PTPRD: variants seen among roughly 807,000 people sequenced by gnomAD.
PTPRD encodes protein tyrosine phosphatase receptor type D.
PTPRD carries 34 observed loss-of-function variants against 214.5 expected under a neutral mutation model. That is an observed-to-expected ratio of 0.16 (90% CI 0.12 to 0.21). The LOEUF is 0.21. PTPRD is among the 10% of genes least tolerant of loss of function. The pLI, the probability that PTPRD is intolerant of heterozygous loss-of-function variation, is 1.00. For missense variants in PTPRD, 2,545 were observed against 2,398.7 expected (o/e 1.06, Z -1.27); for synonymous variants, 1,128 against 845.7 (o/e 1.33, Z -5.79).
chr9:8,857,929 C>A (rs1266656687), intron 11 of PTPRD, among the ~76,000 whole-genome samples: 1 of 148,606 alleles, frequency 6.7e-6, no homozygotes, highest in East Asian at 2.0e-4. Context: ...CCCTCCACCC[C>A]TACCCCCTTT....
At chr9:8,677,806 C>T (rs2097460330) in intron 12 of PTPRD, among the ~76,000 whole-genome samples, 1 of 152,166 alleles carries the variant, frequency 6.6e-6, no homozygotes, top group Non-Finnish European at 1.5e-5. Context: ...TTAACAGACC[C>T]AGGCACCACA....
chr9:9,050,827 T>A (rs988799142), intron 10 of PTPRD, among the ~76,000 whole-genome samples: 2 of 152,178 alleles, frequency 1.3e-5, no homozygotes, highest in Non-Finnish European at 2.9e-5. Flanking sequence ...TTATTGTTAA[T>A]CTCTTACTGT....
chr9:9,091,794 G>A (rs75075095), intron 10 of PTPRD, among the ~76,000 whole-genome samples: 4,708 of 152,196 alleles, frequency 0.031, 159 homozygotes, highest in African/African-American at 0.081. Flanking sequence ...TTTCAGGTTG[G>A]GGCAAATGGG....
chr9:9,417,540 T>C (rs928845970), intron 8 of PTPRD, among the ~76,000 whole-genome samples: 1 of 152,094 alleles, frequency 6.6e-6, no homozygotes. Flanking sequence ...AGTTCATTCT[T>C]TCTAATTAGC....
At chr9:10,453,919 G>A (rs976620587) in intron 2 of PTPRD, among the ~76,000 whole-genome samples, 17 of 151,678 alleles carry the variant, frequency 1.1e-4, no homozygotes, top group African/African-American at 3.9e-4. Context: ...TTGAGCGTGA[G>A]TCAGCTGTAG....
At chr9:9,213,965 T>C (rs979673356) in intron 9 of PTPRD, among the ~76,000 whole-genome samples, 4 of 152,142 alleles carry the variant, frequency 2.6e-5, no homozygotes, top group African/African-American at 9.7e-5. Context: ...CATCTTCTTT[T>C]TTTTCTTACT....
chr9:9,235,362 G>C lies in PTPRD; in HGVS notation c.-202-51999C>G, dbSNP rs139719057. 6.7e-3 allele frequency among the ~76,000 whole-genome samples: 1,024 copies of C among 152,244 alleles called. 10 individuals are homozygous for C. Among genetic ancestry groups the C allele is most frequent in the African/African-American group, 0.023 (955 of 41,554 alleles). Reference sequence around the variant, plus strand: ...ACAGCTACACCATATCAGAGGCCAAGAAGAGTTTCCACTGATGGGGGCTTT... The same window carrying C: ...ACAGCTACACCATATCAGAGGCCAACAAGAGTTTCCACTGATGGGGGCTTT... On this transcript the variant is annotated intron_variant, in intron 9 of 45. Coordinates refer to ENST00000381196, the MANE Select transcript of PTPRD (RefSeq NM_002839.4).
intron 2 of PTPRD, among the ~76,000 whole-genome samples, chr9:10,419,265 A>G (rs963330716): frequency 6.6e-6 from 1 of 151,928 alleles, no homozygotes; most frequent in African/African-American, 2.4e-5. Context: ...GTGTCTTTTA[A>G]GCTTTCTGCT....
At chr9:8,490,815 A>T (rs1225713766) in intron 27 of PTPRD, among the ~76,000 whole-genome samples, 3 of 152,210 alleles carry the variant, frequency 2.0e-5, no homozygotes, top group Non-Finnish European at 4.4e-5. Context: ...GAAACAAGGT[A>T]TAATAAACAA....
intron 2 of PTPRD, among the ~76,000 whole-genome samples, chr9:10,460,810 G>T (rs940311824): frequency 3.3e-5 from 5 of 152,052 alleles, no homozygotes; most frequent in African/African-American, 1.2e-4. Context: ...TAGAGGAAAA[G>T]CTCCTTGACA....
intron 12 of PTPRD, among the ~76,000 whole-genome samples, chr9:8,649,414 C>T (rs1232434875): frequency 2.0e-5 from 3 of 152,216 alleles, no homozygotes; most frequent in Admixed American, 1.3e-4. Flanking sequence ...CTGACCACAA[C>T]TTCTCATCTA....
chr9:9,718,896 AG>A (rs1275304454), intron 7 of PTPRD, among the ~76,000 whole-genome samples: 1 of 152,154 alleles, frequency 6.6e-6, no homozygotes, highest in Non-Finnish European at 1.5e-5. Context: ...GACACCATGG[AG>A]GGCACATTAA....
chr9:9,145,882 C>A (rs924339825), intron 10 of PTPRD, among the ~76,000 whole-genome samples: 1 of 152,114 alleles, frequency 6.6e-6, no homozygotes, highest in Non-Finnish European at 1.5e-5. Context: ...CAAATCACAT[C>A]GAAGGAAAGG....
chr9:8,530,976 C>A (rs2075544019), intron 14 of PTPRD, among the ~76,000 whole-genome samples: 1 of 152,094 alleles, frequency 6.6e-6, no homozygotes, highest in Non-Finnish European at 1.5e-5. Context: ...TTTGATTTGA[C>A]ACCTGATTCA....
chr9:9,900,096 T>C (rs2076034943), intron 5 of PTPRD, among the ~76,000 whole-genome samples: 1 of 152,178 alleles, frequency 6.6e-6, no homozygotes, highest in East Asian at 1.9e-4. Flanking sequence ...CATGCAAATC[T>C]CTCTAGCAAG....
At chr9:9,027,235 C>T (rs906801511) in intron 10 of PTPRD, among the ~76,000 whole-genome samples, 1 of 151,744 alleles carries the variant, frequency 6.6e-6, no homozygotes. Context: ...ATTTGTTCCC[C>T]CACAAGGCTC....
chr9:9,921,752 T>TAAA (rs201619783), intron 5 of PTPRD, among the ~76,000 whole-genome samples: 1 of 135,766 alleles, frequency 7.4e-6, no homozygotes, highest in Non-Finnish European at 1.6e-5. Context: ...TTTATAGAAG[T>TAAA]AAAAAAAAAA....
intron 37 of PTPRD, among the ~76,000 whole-genome samples, chr9:8,381,003 G>C (rs1383169652): frequency 6.6e-6 from 1 of 152,180 alleles, no homozygotes; most frequent in Non-Finnish European, 1.5e-5. Context: ...CCTTGAAAGG[G>C]TTCTAGCATT....
chr9:10,104,727 C>A (rs1466825434), intron 3 of PTPRD, among the ~76,000 whole-genome samples: 2 of 151,794 alleles, frequency 1.3e-5, no homozygotes, highest in African/African-American at 2.4e-5. Flanking sequence ...ATTTTAAACT[C>A]AAAGTCAATA....
Sources: gnomAD v4.1 joint callset for allele counts (sites outside exome capture counted in the v4.1 genomes callset) on GRCh38, gnomAD v4.1.1 for gene constraint, MANE v1.5 for transcripts, NCBI Gene and HGNC (gene_info 2026-07-23, HGNC 2026-07-21) for gene names.